Variants in GPLD1 observed in about 807,000 individuals in gnomAD.
GPLD1 encodes phosphatidylinositol-glycan-specific phospholipase D.
GPLD1 carries 84 observed loss-of-function variants against 112.6 expected under a neutral mutation model. The ratio of observed to expected loss-of-function variants is 0.75; its 90% CI spans 0.63 to 0.89. The LOEUF is 0.89. Ranked by LOEUF, GPLD1 falls within the 40% of genes least tolerant of loss-of-function variation. The pLI, the probability that GPLD1 is intolerant of heterozygous loss-of-function variation, is 0.00. For synonymous variants in GPLD1, 386 were observed against 403.8 expected (o/e 0.96, Z 0.53); for missense variants, 1,044 against 1,051.5 (o/e 0.99, Z 0.10).
chr6:24,445,028 T>C (rs1236769328), intron 20 of GPLD1, among the ~76,000 whole-genome samples: 5 of 152,058 alleles, frequency 3.3e-5, no homozygotes, highest in Non-Finnish European at 7.4e-5. Context: ...TATTTTATTT[T>C]ATTTTTATTT....
chr6:24,429,089 A>T lies in GPLD1; in HGVS notation c.2466T>A (p.Ser822Arg). 6.2e-7 allele frequency: 1 copy of T among 1,613,444 alleles called. No homozygotes were observed. The highest frequency in any genetic ancestry group is 8.5e-7 in the Non-Finnish European group (1 of 1,179,612). The change falls in exon 25 of 25, where the codon AGT becomes AGA. Residue 822 changes from serine (S) to arginine (R), a missense_variant. By Grantham distance (110) the Ser-to-Arg change is moderately radical. Transcript: ENST00000230036. ...CCCCGGAGAGTCGGGCTCCCAAAGA[A>T]CTCCTTCCAGCAGCAATGACGACTT... ...KNQVVIAAGRSSLGARLSGAL... is the reference protein window; with the variant it reads ...KNQVVIAAGRRSLGARLSGAL...
chr6:24,453,859 T>C (rs370058265), intron 14 of GPLD1, among the ~76,000 whole-genome samples, 156 bp downstream of exon 14: 5 of 152,302 alleles, frequency 3.3e-5, no homozygotes, highest in African/African-American at 1.2e-4. Flanking sequence ...GATGTAAACA[T>C]GCTTCTAAAA....
chr6:24,438,707 G>A (rs1270494174), intron 20 of GPLD1, among the ~76,000 whole-genome samples: 1 of 152,194 alleles, frequency 6.6e-6, no homozygotes, highest in Admixed American at 6.5e-5. Context: ...AGAGAACAAT[G>A]TGCCAGCACA....
At chr6:24,452,845 G>A (rs545158691) in intron 14 of GPLD1, among the ~76,000 whole-genome samples, 5 of 151,482 alleles carry the variant, frequency 3.3e-5, no homozygotes, top group South Asian at 4.2e-4. Context: ...ACTTCACAGC[G>A]AAAGGGTAAG....
chr6:24,475,077 G>T, intron 5 of GPLD1, 44 bp downstream of exon 5: 1 of 961,274 alleles, frequency 1.0e-6, no homozygotes, highest in Non-Finnish European at 1.7e-6. Flanking sequence ...AGGTGAGACA[G>T]TATCACTCCC....
Position 24,428,847 on chromosome 6 carries a change from A to G in GPLD1, c.*185T>C, listed in dbSNP as rs944612599. On this transcript the variant is annotated 3_prime_UTR_variant, in exon 25 of 25. Transcript: ENST00000230036. Reference sequence around the variant, plus strand: ...TTTCACATATTTCTGGTGCAGTCATATATTTACTGTATCAGATTTCCAGAG... The same window carrying G: ...TTTCACATATTTCTGGTGCAGTCATGTATTTACTGTATCAGATTTCCAGAG... 11 of 487,502 alleles carry G rather than the reference A, an allele frequency of 2.3e-5. No individual in the cohort carries two copies. Among genetic ancestry groups the G allele is most frequent in the Middle Eastern group, 5.3e-4 (1 of 1,900 alleles). 30.2% of individuals were successfully genotyped at this position (487,502 alleles called of 1,614,324 possible). A position where few individuals can be genotyped will look rare whatever the true frequency, so the allele number is the denominator to read the frequency against.
intron 2 of GPLD1, among the ~76,000 whole-genome samples, chr6:24,480,837 A>G (rs1179545797): frequency 1.3e-5 from 2 of 152,334 alleles, no homozygotes; most frequent in Admixed American, 6.5e-5. Context: ...CTCAGCTCAC[A>G]GTCTGATATG....
intron 2 of GPLD1, among the ~76,000 whole-genome samples, chr6:24,481,681 C>T (rs931870216): frequency 1.3e-5 from 2 of 152,098 alleles, no homozygotes; most frequent in Non-Finnish European, 2.9e-5. Flanking sequence ...TGGGAAGATG[C>T]CCTCTTCCCC....
At chr6:24,448,332 T>A in intron 15 of GPLD1, 124 bp from the exon 16 acceptor site, 21 of 411,988 alleles carry the variant, frequency 5.1e-5, no homozygotes, top group Middle Eastern at 3.8e-4. Context: ...ATAATCCCAG[T>A]GCTTTGGGAG....
Position 24,426,744 on chromosome 6 carries a change from T to G in GPLD1, c.*2288A>C, listed in dbSNP as rs1762251352. Among the ~76,000 whole-genome samples the G allele has an allele frequency of 6.6e-6, 1 of 152,348 alleles. No homozygotes were observed. The highest frequency in any genetic ancestry group is 1.9e-4 in the East Asian group (1 of 5,184). On this transcript the variant is annotated 3_prime_UTR_variant, in exon 25 of 25. Transcript: ENST00000230036. ...CAACTCATAAGTGAATACAACTAAG[T>G]AATTTCTGGTCCCCTAAAAATAACC...
intron 3 of GPLD1, among the ~76,000 whole-genome samples, chr6:24,478,844 T>C (rs1263518520): frequency 1.3e-5 from 2 of 152,092 alleles, no homozygotes; most frequent in African/African-American, 2.4e-5. Flanking sequence ...TCTTTGAAAA[T>C]GGTGCCCTTA....
At chr6:24,434,150 C>G (rs912224083) in intron 22 of GPLD1, among the ~76,000 whole-genome samples, 5 of 152,044 alleles carry the variant, frequency 3.3e-5, no homozygotes, top group African/African-American at 1.2e-4. Flanking sequence ...ATAATCCCAG[C>G]ACTTTGGGAG....
rs767717462 is a variant in GPLD1 at position 24,447,857 on chromosome 6, C to T, written c.1678+20G>A. On this transcript the variant is annotated intron_variant, in intron 17 of 24. Transcript: ENST00000230036. ...CACACAGAGCAGCCATGGTCTCACC[C>T]ATTCCCCCTCAGGCACTACCTTTGT... is the stretch of plus-strand genomic sequence containing the variant. 3.1e-6 allele frequency: 5 copies of T among 1,612,640 alleles called. No homozygotes were observed. In the East Asian group the frequency reaches 8.9e-5, roughly 29 times the overall value.
At chr6:24,451,975 T>G (rs1250981780) in intron 14 of GPLD1, among the ~76,000 whole-genome samples, 1 of 152,208 alleles carries the variant, frequency 6.6e-6, no homozygotes, top group Non-Finnish European at 1.5e-5. Context: ...GCACAGAACT[T>G]TAAAGCAGGC....
intron 20 of GPLD1, among the ~76,000 whole-genome samples, chr6:24,442,860 C>G (rs1762791935): frequency 6.6e-6 from 1 of 152,142 alleles, no homozygotes; most frequent in African/African-American, 2.4e-5. Context: ...CGATTACAGG[C>G]ATGACCCACC....
intron 24 of GPLD1, among the ~76,000 whole-genome samples, chr6:24,430,012 T>C (rs1762353787): frequency 6.7e-6 from 1 of 149,056 alleles, no homozygotes; most frequent in African/African-American, 2.4e-5. Context: ...TCTTATTTAA[T>C]TTTGAAAACT....
chr6:24,472,478 G>A, intron 7 of GPLD1, 104 bp downstream of exon 7: 2 of 702,614 alleles, frequency 2.8e-6, no homozygotes, highest in Non-Finnish European at 5.1e-6. Flanking sequence ...ATTTACCAGT[G>A]CAGAAGACTT....
intron 3 of GPLD1, among the ~76,000 whole-genome samples, chr6:24,478,969 A>G (rs2760144): frequency 0.3 from 45,301 of 151,982 alleles, 7,102 homozygotes; most frequent in Non-Finnish European, 0.34. Flanking sequence ...AAGCATTGCC[A>G]TCTTGGACAA....
chr6:24,449,251 G>T (rs548643669), intron 15 of GPLD1, among the ~76,000 whole-genome samples: 67 of 152,220 alleles, frequency 4.4e-4, no homozygotes, highest in African/African-American at 1.5e-3. Flanking sequence ...AGTTGAGTCT[G>T]CAGAGGGCAG....
Sources: gnomAD v4.1 joint callset for allele counts (sites outside exome capture counted in the v4.1 genomes callset) on GRCh38, gnomAD v4.1.1 for gene constraint, MANE v1.5 for transcripts, NCBI Gene and HGNC (gene_info 2026-07-23, HGNC 2026-07-21) for gene names.